ARRDC3: variants seen among roughly 807,000 people sequenced by gnomAD.
The protein encoded by ARRDC3 is arrestin domain containing 3.
In ARRDC3, 10 loss-of-function variants were observed where a neutral mutation model predicts 47.2. The ratio of observed to expected loss-of-function variants is 0.21; its 90% CI spans 0.13 to 0.36. The LOEUF (loss-of-function observed/expected upper bound fraction) is 0.36, where lower values mean the gene tolerates loss of function less well. Ranked by LOEUF, ARRDC3 falls within the 10% of genes least tolerant of loss-of-function variation. ARRDC3 has a pLI of 1.00. For synonymous variants in ARRDC3, 156 were observed against 178.3 expected, an observed-to-expected ratio of 0.87 and a Z score of 1.00; for missense variants, 381 against 503.6, an observed-to-expected ratio of 0.76 and a Z score of 2.33.
rs1414443036 is a variant in ARRDC3, at chr5:91,375,029, A to C, written c.763T>G (p.Leu255Val). 6.2e-7 allele frequency: 1 copy of C among 1,614,256 alleles called. No individual in the cohort carries two copies. Among genetic ancestry groups the C allele is most frequent in the Non-Finnish European group, 8.5e-7 (1 of 1,180,040 alleles). ...QLVANLRGES[L>V]SSGKTETWNG... is the part of the protein sequence containing the mutation. ...CACGTCTCTGTCTTTCCAGATGATA[A>C]GGATTCCCCACGCAAGTTAGCCACA... Residue 255 changes from leucine to valine, a missense_variant, in exon 5 of 8, where the codon TTA becomes GTA. Physicochemically the swap from Leu to Val is conservative, Grantham distance 32 (BLOSUM62 1). Transcript: ENST00000265138.
chr5:91,378,214 G>C (rs1382572965), intron 2 of ARRDC3, among the ~76,000 whole-genome samples: 1 of 151,994 alleles, frequency 6.6e-6, no homozygotes, highest in African/African-American at 2.4e-5. Context: ...GTTCATATCA[G>C]AAGAAAAACA....
rs943405079 is a variant in ARRDC3, at chr5:91,371,310, C to T, written c.*90G>A. 4 of 1,188,370 alleles carry T rather than the reference C, an allele frequency of 3.4e-6. No individual in the cohort carries two copies. In the African/African-American group the frequency reaches 6.1e-5, roughly 18 times the overall value. The allele number at this position is 1,188,370 out of a possible 1,614,324, so 73.6% of individuals were successfully genotyped here. On this transcript the variant is annotated 3_prime_UTR_variant, in exon 8 of 8. Transcript: ENST00000265138. ...CTGGGCAAAAGTAATTCCACTTCCT[C>T]TGAAACGTGTCTCCAAGATACTTCT...
At position 91,368,680 on chromosome 5, in the gene ARRDC3, G is replaced by A. The variant is rs571677976; in HGVS notation, c.*2720C>T. 2 of 152,438 alleles carry A rather than the reference G, an allele frequency of 1.3e-5. No homozygotes were observed. The highest frequency in any genetic ancestry group is 4.8e-5 in the African/African-American group (2 of 41,544). The allele number at this position is 152,438 out of a possible 1,614,324, so 9.4% of individuals were successfully genotyped here. On this transcript the variant is annotated 3_prime_UTR_variant, in exon 8 of 8. Transcript: ENST00000265138. The stretch of plus-strand genomic sequence containing the variant: ...TTAATTTAATGTGTTTGCATGTATG[G>A]TGAGTTACTAATATGATCAAGATTC...
In ARRDC3 at chr5:91,371,103, T is replaced by A; in HGVS notation, c.*297A>T. On this transcript the variant is annotated 3_prime_UTR_variant, in exon 8 of 8. Coordinates refer to ENST00000265138, the MANE Select transcript of ARRDC3 (RefSeq NM_020801.4). Reference sequence around the variant, plus strand: ...AAATTTTCAAATCAAAAGAAGGAAATCATCCCTCTTTACAACGTGATGTCT... The same window carrying A: ...AAATTTTCAAATCAAAAGAAGGAAAACATCCCTCTTTACAACGTGATGTCT... 7.8e-6 allele frequency: 2 copies of A among 255,114 alleles called. No individual in the cohort carries two copies. Among genetic ancestry groups the A allele is most frequent in the South Asian group, 1.3e-4 (1 of 7,568 alleles). 15.8% of individuals were successfully genotyped at this position (255,114 alleles called of 1,614,324 possible).
Position 91,373,307 on chromosome 5 carries a change from A to ATCATGG in ARRDC3, c.1188+376_1188+377insCCATGA, listed in dbSNP as rs375495951. Among the ~76,000 whole-genome samples, 88 of 152,346 alleles carry ATCATGG rather than the reference A, an allele frequency of 5.8e-4. 1 individual carries two copies. In the East Asian group the frequency reaches 0.015, roughly 27 times the overall value. ...GAGAATGTCAAAATATGCAATTGGA[A>ATCATGG]AAGCATCATGAATAAGATAAATTCT... On this transcript the variant is annotated intron_variant, in intron 7 of 7. Transcript: ENST00000265138.
chr5:91,375,235 C>G (rs1214254816), intron 4 of ARRDC3, 57 bp from the exon 5 acceptor site: 1 of 1,538,656 alleles, frequency 6.5e-7, no homozygotes, highest in East Asian at 2.3e-5. Flanking sequence ...CAAAAGAAGT[C>G]AAGATTCTTA....
At chr5:91,378,167 T>G (rs1339039042) in intron 2 of ARRDC3, among the ~76,000 whole-genome samples, 1 of 152,118 alleles carries the variant, frequency 6.6e-6, no homozygotes, top group African/African-American at 2.4e-5. Context: ...ATCTCTTGTG[T>G]GACCTTCCCA....
At chr5:91,380,662 G>A (rs982682965) in intron 1 of ARRDC3, 1 of 152,252 alleles carries the variant, frequency 6.6e-6, no homozygotes, top group African/African-American at 2.4e-5. Flanking sequence ...GCGTTCACAG[G>A]AGTCCCCTGA....
intron 7 of ARRDC3, 115 bp downstream of exon 7, chr5:91,373,566 AATT>A: frequency 9.4e-7 from 1 of 1,065,420 alleles, no homozygotes; most frequent in Non-Finnish European, 1.4e-6. Context: ...TGTTGTTTTA[AATT>A]ATTTGTTCTG....
chr5:91,382,013 C>G (rs1163859210), intron 1 of ARRDC3, among the ~76,000 whole-genome samples: 3 of 152,186 alleles, frequency 2.0e-5, no homozygotes, highest in Non-Finnish European at 2.9e-5. Flanking sequence ...TTTTGACAAC[C>G]CTTTATCTCT....
intron 1 of ARRDC3, chr5:91,380,303 A>C (rs899151277): frequency 6.5e-6 from 1 of 152,810 alleles, no homozygotes; most frequent in East Asian, 1.9e-4. Flanking sequence ...CGCGCAACCT[A>C]GCCTGCTGGC....
intron 2 of ARRDC3, among the ~76,000 whole-genome samples, chr5:91,377,448 T>C (rs1179438180): frequency 6.6e-6 from 1 of 152,112 alleles, no homozygotes; most frequent in Admixed American, 6.5e-5. Context: ...ATTTTACTTG[T>C]GGAAGGTTTT....
In ARRDC3 at chr5:91,382,969, T is replaced by C; in HGVS notation, c.124A>G (p.Ile42Val). The change falls in exon 1 of 8, where the codon ATC (isoleucine) becomes GTC (valine). Residue 42 changes from isoleucine (I) to valine (V), a missense_variant. Ile to Val is a conservative substitution (Grantham distance 29). Transcript: ENST00000265138. ...GRVNLEVTGEIRVKSLKIHAR... is the reference protein window; with the variant it reads ...GRVNLEVTGEVRVKSLKIHAR... ...TGAATTTTAAGAGATTTTACTCTGA[T>C]TTCCCCAGTAACTTCTAAATTTACC... is the stretch of plus-strand genomic sequence containing the variant. 6.2e-7 allele frequency: 1 copy of C among 1,614,180 alleles called. No individual in the cohort carries two copies.
rs1799490696 is a variant in ARRDC3, at chr5:91,383,311, C to A, written c.-219G>T. ...CCCGCTCGTCTCAGTGGTCTCCTTA[C>A]AAAGACGGGCGGCTAAAAGCTGCCA... is the stretch of plus-strand genomic sequence containing the variant. On this transcript the variant is annotated 5_prime_UTR_variant, in exon 1 of 8. Transcript: ENST00000265138. 1 of 464,982 alleles carries A rather than the reference C, an allele frequency of 2.2e-6. No individual in the cohort carries two copies. Among genetic ancestry groups the A allele is most frequent in the Non-Finnish European group, 3.7e-6 (1 of 267,514 alleles). The allele number at this position is 464,982 out of a possible 1,614,324, so 28.8% of individuals were successfully genotyped here. A position where few individuals can be genotyped will look rare whatever the true frequency, so the allele number is the denominator to read the frequency against.
At chr5:91,382,533 T>C (rs1318776251) in intron 1 of ARRDC3, among the ~76,000 whole-genome samples, 1 of 152,226 alleles carries the variant, frequency 6.6e-6, no homozygotes, top group East Asian at 1.9e-4. Flanking sequence ...AAACAGAATT[T>C]ATAAGTAAGG....
At chr5:91,381,237 G>A (rs1044349717) in intron 1 of ARRDC3, among the ~76,000 whole-genome samples, 2 of 152,110 alleles carry the variant, frequency 1.3e-5, no homozygotes, top group Non-Finnish European at 2.9e-5. Flanking sequence ...AGGGCATTTA[G>A]TTTTCTTTAC....
intron 3 of ARRDC3, among the ~76,000 whole-genome samples, chr5:91,376,379 T>G (rs945534290): frequency 6.6e-6 from 1 of 152,218 alleles, no homozygotes; most frequent in South Asian, 2.1e-4. Context: ...TAAGAGATAC[T>G]TCATATCATA....
chr5:91,380,303 A>G (rs899151277), intron 1 of ARRDC3: 1 of 152,810 alleles, frequency 6.5e-6, no homozygotes, highest in Non-Finnish European at 1.5e-5. Flanking sequence ...CGCGCAACCT[A>G]GCCTGCTGGC....
intron 2 of ARRDC3, among the ~76,000 whole-genome samples, chr5:91,377,838 T>A (rs1799340952): frequency 6.6e-6 from 1 of 152,054 alleles, no homozygotes; most frequent in African/African-American, 2.4e-5. Context: ...TAGAATTTTC[T>A]AAAAAATACC....
Sources: gnomAD v4.1 joint callset for allele counts (sites outside exome capture counted in the v4.1 genomes callset) on GRCh38, gnomAD v4.1.1 for gene constraint, MANE v1.5 for transcripts, NCBI Gene and HGNC (gene_info 2026-07-23, HGNC 2026-07-21) for gene names.